The following RHBDF1 variants were observed in gnomAD, a reference collection of about 807,000 sequenced individuals.
RHBDF1 encodes rhomboid 5 homolog 1, also known as inactive rhomboid protein 1.
In RHBDF1, 80 loss-of-function variants were observed where a neutral mutation model predicts 98.6. The observed-to-expected ratio is 0.81, with a 90% CI of 0.68 to 0.98. The LOEUF (loss-of-function observed/expected upper bound fraction) is 0.98. RHBDF1 is among the 50% of genes least tolerant of loss of function. The pLI is 0.00. For synonymous variants in RHBDF1, 512 were observed against 486.8 expected (o/e 1.05, Z -0.68); for missense variants, 1,116 against 1,198.3 (o/e 0.93, Z 1.01).
At chr16:74,517 G>T (rs1040672367), upstream of RHBDF1, among the ~76,000 whole-genome samples, 2 of 152,110 alleles carry the variant, frequency 1.3e-5, no homozygotes, top group Non-Finnish European at 2.9e-5. Flanking sequence ...CACCTTCAGT[G>T]GGGAGCATGC....
At chr16:72,074 G>T (rs1269343950) in intron 1 of RHBDF1, among the ~76,000 whole-genome samples, 3 of 152,202 alleles carry the variant, frequency 2.0e-5, no homozygotes, top group Non-Finnish European at 4.4e-5. Flanking sequence ...GTTTCAGCTC[G>T]GAGACACCAC....
chr16:72,606 C>CGCCGGTCCGGCCCGCCCGCCGGTCCG lies in RHBDF1; in HGVS notation c.-119_-118insCGGACCGGCGGGCGGGCCGGACCGGC, dbSNP rs1898008149. On this transcript the variant is annotated 5_prime_UTR_variant, in exon 1 of 18. Coordinates refer to ENST00000262316, the MANE Select transcript of RHBDF1 (RefSeq NM_022450.5). ...GGCCCGCGCCGAGTCCCCGCCCGCCCGCCGGTCCGGCCCGCCCGGGAATGC... is the reference window on the plus strand; with the variant it reads ...GGCCCGCGCCGAGTCCCCGCCCGCCCGCCGGTCCGGCCCGCCCGCCGGTCCGGCCGGTCCGGCCCGCCCGGGAATGC... 3.1e-6 allele frequency: 3 copies of CGCCGGTCCGGCCCGCCCGCCGGTCCG among 977,494 alleles called. No homozygotes were observed. The highest frequency in any genetic ancestry group is 3.6e-6 in the Non-Finnish European group (3 of 825,364). 60.6% of individuals were successfully genotyped at this position (977,494 alleles called of 1,614,324 possible). A position where few individuals can be genotyped will look rare whatever the true frequency, so the allele number is the denominator to read the frequency against.
At chr16:64,058 C>A (rs1253133861) in intron 3 of RHBDF1, 8 of 651,912 alleles carry the variant, frequency 1.2e-5, no homozygotes, top group Non-Finnish European at 2.8e-6. Context: ...ACCCCACCAT[C>A]CCTGAGGGGC....
Position 62,581 on chromosome 16 carries a change from C to A in RHBDF1, c.910G>T (p.Gly304Trp). Residue 304 changes from glycine to tryptophan, a missense_variant, in exon 7 of 18, where the codon GGG becomes TGG. By Grantham distance (184) the Gly-to-Trp change is radical (BLOSUM62 -2). Coordinates refer to ENST00000262316, the MANE Select transcript of RHBDF1 (RefSeq NM_022450.5). ...KAPEQADLTG[G>W]ALDRSELERS... ...TCAAGCTCGCTGCGGTCCAGGGCCC[C>A]GCCGGTGAGGTCCGCCTGCTCCGGT... The A allele has an allele frequency of 6.2e-7, 1 of 1,613,582 alleles. No individual in the cohort carries two copies. The highest frequency in any genetic ancestry group is 1.3e-5 in the African/African-American group (1 of 75,070).
chr16:62,489 C>T (rs753721922), intron 7 of RHBDF1, 49 bp downstream of exon 7: 4 of 1,594,772 alleles, frequency 2.5e-6, no homozygotes, highest in Admixed American at 1.7e-5. Context: ...CTGTTCCTGA[C>T]GGGCCCCGGG....
rs772594707 is a variant in RHBDF1 at position 64,770 on chromosome 16, G to C, written c.177C>G (p.Ile59Met). 1.2e-6 allele frequency: 2 copies of C among 1,614,122 alleles called. No homozygotes were observed. Among genetic ancestry groups the C allele is most frequent in the Admixed American group, 3.3e-5 (2 of 60,012 alleles). The change falls in exon 3 of 18, where the codon ATC becomes ATG. Residue 59 changes from isoleucine to methionine, a missense_variant. Coordinates refer to ENST00000262316, the MANE Select transcript of RHBDF1 (RefSeq NM_022450.5). ...GCCGGAGCTCATGGTGGGGTGAAGA[G>C]ATGTGGGCTGTCTCGGCTGGCATAC... is the stretch of plus-strand genomic sequence containing the variant. ...SVSMPAETAH[I>M]SSPHHELRRP... is the part of the protein sequence containing the mutation.
In RHBDF1 at chr16:72,462, C is replaced by G. The variant is rs1376480916; in HGVS notation, c.-25+51G>C. On this transcript the variant is annotated intron_variant, in intron 1 of 17. Coordinates refer to ENST00000262316, the MANE Select transcript of RHBDF1 (RefSeq NM_022450.5). ...CTCGCCCCGCCCTCCGGACGCAGCC[C>G]CGGAACCCGCCCGCCCCCGGAGCCC... 1.7e-5 allele frequency: 16 copies of G among 922,224 alleles called. No homozygotes were observed. In the African/African-American group the frequency reaches 2.7e-4, roughly 16 times the overall value. 57.1% of individuals were successfully genotyped at this position (922,224 alleles called of 1,614,324 possible). A position where few individuals can be genotyped will look rare whatever the true frequency, so the allele number is the denominator to read the frequency against.
rs996371782 is a variant in RHBDF1 at position 59,079 on chromosome 16, C to T, written c.2043G>A (p.Arg681=). 6 of 1,613,628 alleles carry T rather than the reference C, an allele frequency of 3.7e-6. No individual in the cohort carries two copies. Among genetic ancestry groups the T allele is most frequent in the Middle Eastern group, 3.3e-4 (2 of 6,062 alleles). ...VSICFQMTVL[R]DLEKLAGWHR... ...GCCAGCCTGCCAGCTTCTCCAGGTC[C>T]CGCAGGACAGTCATCTGGAAGCAGA... Residue 681 remains arginine, a synonymous_variant, in exon 17 of 18, where the codon CGG becomes CGA. Transcript: ENST00000262316.
Position 67,972 on chromosome 16 carries a change from G to A in RHBDF1, c.-24-2933C>T, listed in dbSNP as rs898451438. On this transcript the variant is annotated intron_variant, in intron 1 of 17. Coordinates refer to ENST00000262316, the MANE Select transcript of RHBDF1 (RefSeq NM_022450.5). ...AACCTGACCTCCCCAGGACTGTTTC[G>A]GCCGGGGACCACAGCCGGCCCCAGG... Among the ~76,000 whole-genome samples, 14 of 152,008 alleles carry A rather than the reference G, an allele frequency of 9.2e-5. No individual in the cohort carries two copies. The Middle Eastern group carries it at 0.02, about 222-fold the overall frequency.
chr16:64,441 C>T, intron 3 of RHBDF1: 1 of 1,469,622 alleles, frequency 6.8e-7, no homozygotes, highest in Non-Finnish European at 9.1e-7. Context: ...TTGTCGGCTG[C>T]TAAGAGGCAA....
At chr16:58,804 G>T (rs770785026) in intron 17 of RHBDF1, 45 bp from the exon 18 acceptor site, 1 of 1,589,518 alleles carries the variant, frequency 6.3e-7, no homozygotes, top group African/African-American at 1.4e-5. Context: ...GGCTGGGCAG[G>T]CCCCCTGGAC....
intron 1 of RHBDF1, among the ~76,000 whole-genome samples, chr16:68,185 G>T (rs1254659094): frequency 6.6e-6 from 1 of 152,186 alleles, no homozygotes; most frequent in East Asian, 1.9e-4. Context: ...AACCCCCACT[G>T]CTAGGAGTGC....
chr16:67,819 G>A (rs920674488), intron 1 of RHBDF1, among the ~76,000 whole-genome samples: 1 of 152,208 alleles, frequency 6.6e-6, no homozygotes, highest in African/African-American at 2.4e-5. Context: ...CCCTAATCTG[G>A]GGTAACGGAG....
chr16:72,937 G>C (rs1318967487), upstream of RHBDF1, among the ~76,000 whole-genome samples: 3 of 152,164 alleles, frequency 2.0e-5, no homozygotes, highest in East Asian at 5.8e-4. Flanking sequence ...TGAGAAGAGG[G>C]TGAGGAGGGA....
rs777846516 is a variant in RHBDF1, at chr16:64,948, T to G, written c.68A>C (p.Asp23Ala). 30 of 1,585,644 alleles carry G rather than the reference T, an allele frequency of 1.9e-5. No individual in the cohort carries two copies. The highest frequency in any genetic ancestry group is 2.3e-5 in the Non-Finnish European group (27 of 1,162,698). ...CGTCAGGGGCACCGCAGAGGGAATG[T>G]CCAGCTTTAGCCAGGGTGGCTTCTT... Reference protein sequence around the residue: ...QRKKPPWLKLDIPSAVPLTAE... With the variant: ...QRKKPPWLKLAIPSAVPLTAE... The change falls in exon 2 of 18, where the codon GAC becomes GCC. Residue 23 changes from aspartate (D) to alanine (A), a missense_variant. By Grantham distance (126) the Asp-to-Ala change is moderately radical. Transcript: ENST00000262316.
chr16:58,882 A>G, intron 17 of RHBDF1, 92 bp downstream of exon 17: 1 of 1,559,390 alleles, frequency 6.4e-7, no homozygotes, highest in Non-Finnish European at 8.7e-7. Flanking sequence ...ATCCAACTGG[A>G]GATGCTCCCA....
At chr16:63,338 A>G (rs954313187) in intron 4 of RHBDF1, among the ~76,000 whole-genome samples, 156 bp from the exon 5 acceptor site, 7 of 152,150 alleles carry the variant, frequency 4.6e-5, no homozygotes, top group Admixed American at 1.3e-4. Flanking sequence ...CACAGCACCT[A>G]GAGGTCCTGC....
chr16:61,014 G>A, intron 11 of RHBDF1, 106 bp downstream of exon 11: 3 of 1,269,724 alleles, frequency 2.4e-6, no homozygotes, highest in Non-Finnish European at 3.2e-6. Flanking sequence ...AGGACGGCGG[G>A]ATGTGCCAGG....
chr16:61,017 G>A (rs1379925282), intron 11 of RHBDF1, 103 bp downstream of exon 11: 3 of 1,296,366 alleles, frequency 2.3e-6, no homozygotes, highest in African/African-American at 1.5e-5. Context: ...ACGGCGGGAT[G>A]TGCCAGGAAC....
Sources: allele counts gnomAD v4.1 joint callset (sites outside exome capture counted in the v4.1 genomes callset), GRCh38; gene constraint gnomAD v4.1.1; transcripts MANE v1.5; gene names NCBI Gene and HGNC (gene_info 2026-07-23, HGNC 2026-07-21).